The following GLG1 variants were observed in gnomAD, a reference collection of about 807,000 sequenced individuals.
The protein encoded by GLG1 is golgi glycoprotein 1.
Under a neutral mutation model 160.5 loss-of-function variants are expected in GLG1, and 38 were observed. The ratio of observed to expected loss-of-function variants is 0.24; its 90% CI spans 0.18 to 0.31. GLG1 has a LOEUF of 0.31. Ranked by LOEUF, GLG1 falls within the 10% of genes least tolerant of loss-of-function variation. The probability of loss-of-function intolerance (pLI) is 1.00; values close to 1 mark genes in which losing one functional copy is unlikely to be tolerated. For missense variants in GLG1, 1,373 were observed against 1,505.2 expected, an observed-to-expected ratio of 0.91 and a Z score of 1.45; for synonymous variants, 644 against 543.4, an observed-to-expected ratio of 1.19 and a Z score of -2.57.
chr16:74,555,886 G>C (rs2018338382), intron 1 of GLG1, among the ~76,000 whole-genome samples: 1 of 151,066 alleles, frequency 6.6e-6, no homozygotes. Context: ...ATCACCCAGG[G>C]TGAAGTGTAG....
At chr16:74,477,977 A>AAAACAAACAAACAAATAAATAAAT (rs55773213) in intron 11 of GLG1, among the ~76,000 whole-genome samples, 2 of 140,148 alleles carry the variant, frequency 1.4e-5, no homozygotes, top group African/African-American at 2.6e-5. Context: ...CCGTCTCAAA[A>AAAACAAACAAACAAATAAATAAAT]AAATAAATAA....
intron 13 of GLG1, among the ~76,000 whole-genome samples, chr16:74,473,605 A>G (rs1401087711): frequency 6.6e-6 from 1 of 150,400 alleles, no homozygotes; most frequent in African/African-American, 2.5e-5. Flanking sequence ...ACACCTGACT[A>G]ATTTTTTTGT....
chr16:74,493,205 C>T, intron 6 of GLG1, 65 bp from the exon 7 acceptor site: 1 of 1,050,412 alleles, frequency 9.5e-7, no homozygotes, highest in African/African-American at 1.6e-5. Context: ...ACGTGTACCA[C>T]TAAGATGAGC....
chr16:74,512,244 C>T (rs1167399720), intron 2 of GLG1, among the ~76,000 whole-genome samples: 10 of 148,644 alleles, frequency 6.7e-5, no homozygotes, highest in African/African-American at 1.2e-4. Flanking sequence ...CTGAAGCCTC[C>T]GCCTGGGTGA....
intron 25 of GLG1, among the ~76,000 whole-genome samples, chr16:74,455,372 A>T (rs16945699): frequency 0.023 from 3,445 of 152,304 alleles, 116 homozygotes; most frequent in African/African-American, 0.079. Flanking sequence ...ATAGTTGCCA[A>T]CACAAAACAA....
chr16:74,551,678 T>G (rs2018203294), intron 1 of GLG1, among the ~76,000 whole-genome samples: 1 of 150,072 alleles, frequency 6.7e-6, no homozygotes. Context: ...TGGGAAGAGG[T>G]GTGGGTGTCA....
rs545338196 is a variant in GLG1 at position 74,471,109 on chromosome 16, A to C, written c.2229+64T>G. On this transcript the variant is annotated intron_variant, in intron 15 of 25. Transcript: ENST00000422840. ...CAGAGGTGCTCTGATGTTCCAAAAA[A>C]GGAAAGGATTCAGTCAACATCCAGG... The C allele has an allele frequency of 1.0e-5, 9 of 901,318 alleles. No individual in the cohort carries two copies. In the East Asian group the frequency reaches 2.2e-4, roughly 22 times the overall value. 55.8% of individuals were successfully genotyped at this position (901,318 alleles called of 1,614,324 possible). A position where few individuals can be genotyped will look rare whatever the true frequency, so the allele number is the denominator to read the frequency against.
At chr16:74,563,566 G>C (rs552762491) in intron 1 of GLG1, among the ~76,000 whole-genome samples, 7 of 151,958 alleles carry the variant, frequency 4.6e-5, no homozygotes, top group African/African-American at 1.7e-4. Flanking sequence ...GTCTCTAGCA[G>C]AAACACAAAA....
At chr16:74,595,654 T>G (rs145546226) in intron 1 of GLG1, among the ~76,000 whole-genome samples, 1 of 152,362 alleles carries the variant, frequency 6.6e-6, no homozygotes, top group East Asian at 1.9e-4. Flanking sequence ...AAAACTTGTA[T>G]TATGGTTTTC....
rs779662444 is a variant in GLG1, at chr16:74,606,985, C to G, written c.110G>C (p.Ser37Thr). Reference protein sequence around the residue: ...AEKLPGQGVHSQGQGPGANFV... With the variant: ...AEKLPGQGVHTQGQGPGANFV... ...GTTGGCCCCGGGACCCTGGCCCTGG[C>G]TGTGGACGCCCTGGCCGGGGAGTTT... Residue 37 changes from serine (S) to threonine (T), a missense_variant, in exon 1 of 26, where the codon AGC becomes ACC. Coordinates refer to ENST00000422840, the MANE Select transcript of GLG1 (RefSeq NM_001145667.2). 3.7e-6 allele frequency: 6 copies of G among 1,607,252 alleles called. No homozygotes were observed. The African/African-American group carries it at 8.0e-5, about 21-fold the overall frequency.
At chr16:74,529,489 CCT>C (rs1409648233) in intron 2 of GLG1, among the ~76,000 whole-genome samples, 2 of 151,202 alleles carry the variant, frequency 1.3e-5, no homozygotes, top group African/African-American at 2.4e-5. Context: ...ATTTTATTTT[CCT>C]CTATTTTATT....
At chr16:74,598,928 T>C (rs901469757) in intron 1 of GLG1, among the ~76,000 whole-genome samples, 2 of 151,596 alleles carry the variant, frequency 1.3e-5, no homozygotes, top group Admixed American at 6.6e-5. Context: ...ATAACTTATA[T>C]AAAGAGGAGA....
chr16:74,513,401 T>C (rs538173481), intron 2 of GLG1, among the ~76,000 whole-genome samples: 40 of 152,064 alleles, frequency 2.6e-4, no homozygotes, highest in African/African-American at 9.6e-4. Flanking sequence ...CCAACAGATA[T>C]CTCATACAGG....
At chr16:74,574,263 G>A (rs2018923495) in intron 1 of GLG1, among the ~76,000 whole-genome samples, 1 of 152,190 alleles carries the variant, frequency 6.6e-6, no homozygotes, top group African/African-American at 2.4e-5. Flanking sequence ...ACAGTTGCAA[G>A]CATCCAAGAA....
intron 1 of GLG1, among the ~76,000 whole-genome samples, chr16:74,563,770 T>C (rs1311561869): frequency 6.6e-6 from 1 of 151,630 alleles, no homozygotes; most frequent in Non-Finnish European, 1.5e-5. Context: ...AAGAAATTTG[T>C]TCCTCATGAT....
intron 2 of GLG1, among the ~76,000 whole-genome samples, chr16:74,517,610 A>C (rs893523628): frequency 1.3e-5 from 2 of 152,132 alleles, no homozygotes; most frequent in African/African-American, 4.8e-5. Flanking sequence ...ATGGGCAAAA[A>C]CTAGAAGCAT....
intron 2 of GLG1, among the ~76,000 whole-genome samples, chr16:74,511,284 G>A (rs1057443762): frequency 1.1e-4 from 16 of 152,136 alleles, no homozygotes; most frequent in African/African-American, 3.9e-4. Context: ...CAAAGGATGG[G>A]TAGGATTTCT....
At chr16:74,556,120 T>C (rs918544631) in intron 1 of GLG1, among the ~76,000 whole-genome samples, 3 of 152,212 alleles carry the variant, frequency 2.0e-5, no homozygotes, top group African/African-American at 7.2e-5. Flanking sequence ...ATTATAGGCA[T>C]GAGCCACTGG....
At chr16:74,477,696 A>G (rs2015435301) in intron 11 of GLG1, among the ~76,000 whole-genome samples, 163 bp from the exon 12 acceptor site, 1 of 152,194 alleles carries the variant, frequency 6.6e-6, no homozygotes. Context: ...TGTTGCGGCC[A>G]GGTGCGGTGG....
Sources: allele counts gnomAD v4.1 joint callset (sites outside exome capture counted in the v4.1 genomes callset), GRCh38; gene constraint gnomAD v4.1.1; transcripts MANE v1.5; gene names NCBI Gene and HGNC (gene_info 2026-07-23, HGNC 2026-07-21).